MMD2: variants seen among roughly 807,000 people sequenced by gnomAD.
MMD2 encodes the protein monocyte to macrophage differentiation associated 2, also known as monocyte to macrophage differentiation factor 2.
A neutral mutation model predicts 33.5 loss-of-function variants in MMD2; 30 were observed. The ratio of observed to expected loss-of-function variants is 0.90; its 90% confidence interval spans 0.67 to 1.22. The LOEUF (loss-of-function observed/expected upper bound fraction) is 1.22, where lower values mean the gene tolerates loss of function less well. Among genes scored for constraint, MMD2 ranks in the 50% most tolerant of loss-of-function variants. MMD2 has a pLI of 0.00. For synonymous variants in MMD2, 129 were observed against 123.0 expected (o/e 1.05, Z -0.32); for missense variants, 364 against 325.4 (o/e 1.12, Z -0.91).
At chr7:4,939,620 A>G (rs575238422) in intron 1 of MMD2, among the ~76,000 whole-genome samples, 4 of 152,356 alleles carry the variant, frequency 2.6e-5, no homozygotes, top group African/African-American at 7.2e-5. Context: ...ACACAATGGA[A>G]CACTAGATAG....
rs373595853 is a variant in MMD2, at chr7:4,916,048, G to A, written c.322C>T (p.Arg108Trp). Residue 108 changes from arginine to tryptophan, a missense_variant, in exon 4 of 7, where the codon CGG (arginine) becomes TGG (tryptophan). Arg to Trp is a moderately radical substitution (Grantham distance 101). Transcript: ENST00000401401. Reference protein sequence around the residue: ...MVEHCLHMFDRMVIYFFIAAS... With the variant: ...MVEHCLHMFDWMVIYFFIAAS... ...GCTATGAAGAAATAGATGACCATCC[G>A]GTCGAACATGTGTAGACAGTGTTCC... The A allele has an allele frequency of 6.8e-6, 11 of 1,613,826 alleles. No individual in the cohort carries two copies. The highest frequency in any genetic ancestry group is 9.3e-6 in the Non-Finnish European group (11 of 1,179,862).
chr7:4,933,651 T>G (rs1785655969), intron 1 of MMD2, among the ~76,000 whole-genome samples: 1 of 152,102 alleles, frequency 6.6e-6, no homozygotes, highest in South Asian at 2.1e-4. Context: ...TGCATTTTTT[T>G]TTTTTTAGAT....
chr7:4,900,508 A>G, the MMD2 span, among the ~76,000 whole-genome samples: 2 of 152,022 alleles, frequency 1.3e-5, no homozygotes, highest in South Asian at 4.2e-4. Flanking sequence ...AAACACTCAC[A>G]CCTTGGTTAA....
chr7:4,900,717 C>T, the MMD2 span, among the ~76,000 whole-genome samples: 54 of 152,128 alleles, frequency 3.5e-4, no homozygotes, highest in African/African-American at 1.3e-3. Flanking sequence ...GCATCCCCCC[C>T]ACAACCCATA....
At chr7:4,928,574 AC>A (rs1433123569) in intron 1 of MMD2, among the ~76,000 whole-genome samples, 1 of 146,502 alleles carries the variant, frequency 6.8e-6, no homozygotes, top group Non-Finnish European at 1.5e-5. Context: ...CTGTGTGCTG[AC>A]TCCATGCTAA....
intron 1 of MMD2, among the ~76,000 whole-genome samples, chr7:4,949,701 G>A (rs1403390734): frequency 6.6e-6 from 1 of 151,792 alleles, no homozygotes; most frequent in African/African-American, 2.4e-5. Flanking sequence ...TTGTAGAGAC[G>A]GGGTTTCACC....
At chr7:4,926,594 T>C (rs1490450330) in intron 1 of MMD2, among the ~76,000 whole-genome samples, 1 of 152,106 alleles carries the variant, frequency 6.6e-6, no homozygotes, top group African/African-American at 2.4e-5. Flanking sequence ...CCCTCTGCCG[T>C]TGTCTTCTTG....
intron 1 of MMD2, among the ~76,000 whole-genome samples, chr7:4,950,989 A>AG (rs1786227196): frequency 2.0e-5 from 3 of 152,166 alleles, no homozygotes; most frequent in Admixed American, 2.0e-4. Context: ...CTGGGATTAC[A>AG]GGCGTGAGCC....
intron 1 of MMD2, among the ~76,000 whole-genome samples, chr7:4,949,314 A>G (rs1006207290): frequency 2.6e-5 from 4 of 151,094 alleles, no homozygotes; most frequent in Non-Finnish European, 4.4e-5. Context: ...AACCATCCCA[A>G]CCTCCCCCCA....
At chr7:4,893,108 G>T in the MMD2 span, among the ~76,000 whole-genome samples, 1 of 152,156 alleles carries the variant, frequency 6.6e-6, no homozygotes, top group Admixed American at 6.5e-5. Context: ...CCTCTATCAG[G>T]TGTGGGGGAA....
chr7:4,940,845 C>CT lies in MMD2; in HGVS notation c.48-15314_48-15313insA, dbSNP rs1785888506. Among the ~76,000 whole-genome samples, 1 of 152,164 alleles carries CT rather than the reference C, an allele frequency of 6.6e-6. No homozygotes were observed. The highest frequency in any genetic ancestry group is 2.1e-4 in the South Asian group (1 of 4,830). ...CACTCAGGTGCACTGTGCGTGGCATCCCATGTGAACGGCCCCCTGGGCCTG... is the reference window on the plus strand; with the variant it reads ...CACTCAGGTGCACTGTGCGTGGCATCTCCATGTGAACGGCCCCCTGGGCCTG... On this transcript the variant is annotated intron_variant, in intron 1 of 6. Coordinates refer to ENST00000401401, the MANE Select transcript of MMD2 (RefSeq NM_198403.4). This position sits in a 1 kb window ranked among gnomAD's most constrained non-coding sequence, Gnocchi z 5.0.
At chr7:4,931,955 A>G (rs895793440) in intron 1 of MMD2, among the ~76,000 whole-genome samples, 1 of 152,134 alleles carries the variant, frequency 6.6e-6, no homozygotes, top group Non-Finnish European at 1.5e-5. Flanking sequence ...GGGAGTCCGG[A>G]GACCAACTAT....
intron 1 of MMD2, among the ~76,000 whole-genome samples, chr7:4,945,182 C>CCCTT (rs1786023051): frequency 8.1e-6 from 1 of 123,382 alleles, no homozygotes; most frequent in African/African-American, 3.2e-5. Flanking sequence ...CCTCCTCTTC[C>CCCTT]TCTTTCTTCT....
At chr7:4,902,026 A>G (rs940422352), downstream of MMD2, among the ~76,000 whole-genome samples, 2 of 152,152 alleles carry the variant, frequency 1.3e-5, no homozygotes, top group African/African-American at 4.8e-5. Flanking sequence ...ATCTCGGCTC[A>G]TTGCAACCTC....
chr7:4,936,329 A>G (rs554000390), intron 1 of MMD2, among the ~76,000 whole-genome samples: 19 of 152,286 alleles, frequency 1.2e-4, no homozygotes, highest in Admixed American at 4.6e-4. Context: ...ACACACCCCA[A>G]CATTTTAGAA....
At chr7:4,905,718 T>G (rs962630085), downstream of MMD2, among the ~76,000 whole-genome samples, 4 of 152,102 alleles carry the variant, frequency 2.6e-5, no homozygotes, top group Non-Finnish European at 5.9e-5. The surrounding 1 kb of genome is among the most constrained non-coding windows in gnomAD (Gnocchi z 5.0). Flanking sequence ...TGTCCCCATT[T>G]GGGAACGAGT....
intron 1 of MMD2, among the ~76,000 whole-genome samples, chr7:4,950,801 C>T (rs1165940236): frequency 1.3e-5 from 2 of 151,518 alleles, no homozygotes; most frequent in African/African-American, 4.9e-5. Context: ...GCACCCTCTG[C>T]CTCCCGGATT....
intron 4 of MMD2, among the ~76,000 whole-genome samples, chr7:4,913,910 C>G (rs1785077056): frequency 6.6e-6 from 1 of 152,000 alleles, no homozygotes; most frequent in African/African-American, 2.4e-5. Context: ...ATCTGCCCAC[C>G]ACAGCCTCCC....
chr7:4,895,243 A>C, the MMD2 span, among the ~76,000 whole-genome samples: 2 of 151,994 alleles, frequency 1.3e-5, no homozygotes, highest in Admixed American at 1.3e-4. Flanking sequence ...TGCCTGGCTA[A>C]TTTTTGTATT....
Sources: allele counts gnomAD v4.1 joint callset (sites outside exome capture counted in the v4.1 genomes callset), GRCh38; gene constraint gnomAD v4.1.1; non-coding constraint Gnocchi (gnomAD v3.1); transcripts MANE v1.5; gene names NCBI Gene and HGNC (gene_info 2026-07-23, HGNC 2026-07-21).